The following ARID4B variants were observed in gnomAD, a reference collection of about 807,000 sequenced individuals.
The protein encoded by ARID4B is AT-rich interaction domain 4B.
ARID4B carries 26 observed loss-of-function variants against 147.5 expected under a neutral mutation model. That is an observed-to-expected ratio of 0.18 (90% CI 0.13 to 0.24). The LOEUF is 0.24. Ranked by LOEUF, ARID4B falls within the 10% of genes least tolerant of loss-of-function variation. The pLI is 1.00. For missense variants in ARID4B, 1,179 were observed against 1,511.5 expected (o/e 0.78, Z 3.65); for synonymous variants, 512 against 507.9 (o/e 1.01, Z -0.11).
intron 19 of ARID4B, 70 bp from the exon 20 acceptor site, chr1:235,182,863 A>G: frequency 6.8e-7 from 1 of 1,461,628 alleles, no homozygotes; most frequent in Non-Finnish European, 9.1e-7. Flanking sequence ...TGTGCCAGGG[A>G]CTGTATATAT....
intron 6 of ARID4B, among the ~76,000 whole-genome samples, chr1:235,248,362 C>G (rs1669433958): frequency 6.6e-6 from 1 of 152,058 alleles, no homozygotes; most frequent in Admixed American, 6.6e-5. Context: ...AAAATCTAGA[C>G]GTTGCCTGTC....
chr1:235,168,627 A>G lies in ARID4B; in HGVS notation c.3837T>C (p.Ser1279=), dbSNP rs943120571. The G allele has an allele frequency of 2.5e-6, 4 of 1,614,068 alleles. No homozygotes were observed. The highest frequency in any genetic ancestry group is 3.4e-6 in the Non-Finnish European group (4 of 1,179,954). ...CTGTTATGGAACTGGATGAAGGTGA[A>G]GAGGAGGATGAGGATGTAGCAGCAC... is the stretch of plus-strand genomic sequence containing the variant. ...RESAATSSSS[S]SPSSSSITAA... Residue 1279 remains serine, a synonymous_variant, in exon 24 of 24, where the codon TCT becomes TCC. Transcript: ENST00000264183.
intron 2 of ARID4B, among the ~76,000 whole-genome samples, chr1:235,290,200 T>TA (rs886335099): frequency 1.3e-5 from 2 of 151,864 alleles, no homozygotes; most frequent in Non-Finnish European, 2.9e-5. Flanking sequence ...ATTATAGAAA[T>TA]AAAAAATGCA....
chr1:235,242,712 T>TA (rs1450353532), intron 7 of ARID4B, among the ~76,000 whole-genome samples: 1 of 152,202 alleles, frequency 6.6e-6, no homozygotes, highest in Admixed American at 6.5e-5. Context: ...TAACAAGTGT[T>TA]AAGACTTCAG....
At position 235,177,907 on chromosome 1, in the gene ARID4B, G is replaced by C; in HGVS notation, c.3341C>G (p.Thr1114Arg). ...PEPEHPEKAC[T>R]GQKRVKDAQG... ...AGCATCTTTCACTCTTTTCTGACCT[G>C]TACAGGCTATGAAGGGAAAGGAATT... The change falls in exon 21 of 24, where the codon ACA becomes AGA. Residue 1114 changes from threonine to arginine, a missense_variant. Coordinates refer to ENST00000264183, the MANE Select transcript of ARID4B (RefSeq NM_016374.6). The C allele has an allele frequency of 6.3e-7, 1 of 1,578,924 alleles. No homozygotes were observed. Among genetic ancestry groups the C allele is most frequent in the Non-Finnish European group, 8.6e-7 (1 of 1,163,518 alleles).
chr1:235,318,438 C>T (rs1044416684), intron 2 of ARID4B, among the ~76,000 whole-genome samples: 20 of 152,038 alleles, frequency 1.3e-4, no homozygotes, highest in Admixed American at 1.3e-3. Flanking sequence ...TCCCAAAGTG[C>T]TGGGATTACA....
In ARID4B at chr1:235,231,172, T is replaced by C. The variant is rs576400659; in HGVS notation, c.683A>G (p.Lys228Arg). 1.3e-6 allele frequency: 2 copies of C among 1,586,544 alleles called. No homozygotes were observed. Among genetic ancestry groups the C allele is most frequent in the Non-Finnish European group, 1.7e-6 (2 of 1,167,630 alleles). ...GTCACTAGTAATTTCATGGACATCT[T>C]TTCTTGGAACTGAAGTACTATATAT... ...KDGKFTSVPR[K>R]DVHEITSDTA... Residue 228 changes from lysine to arginine, a missense_variant, in exon 10 of 24, where the codon AAA becomes AGA. Transcript: ENST00000264183.
intron 23 of ARID4B, among the ~76,000 whole-genome samples, chr1:235,169,397 C>T (rs531402637): frequency 1.7e-4 from 25 of 151,404 alleles, no homozygotes; most frequent in Non-Finnish European, 2.1e-4. Context: ...CCCGCCACCA[C>T]GCCCGGCTAA....
intron 2 of ARID4B, among the ~76,000 whole-genome samples, chr1:235,266,778 A>C (rs1228937216): frequency 6.7e-6 from 1 of 149,254 alleles, no homozygotes; most frequent in East Asian, 1.9e-4. Flanking sequence ...TAGAAAGACA[A>C]TAGTTAAATC....
At chr1:235,262,425 G>T (rs906306054) in intron 2 of ARID4B, among the ~76,000 whole-genome samples, 2 of 151,892 alleles carry the variant, frequency 1.3e-5, no homozygotes, top group African/African-American at 4.8e-5. Flanking sequence ...TACCATAATG[G>T]GAATATACCC....
At chr1:235,249,370 T>C (rs1669497233) in intron 6 of ARID4B, among the ~76,000 whole-genome samples, 1 of 152,136 alleles carries the variant, frequency 6.6e-6, no homozygotes, top group African/African-American at 2.4e-5. Context: ...AGATGATGAA[T>C]CTACTTTTGT....
intron 2 of ARID4B, among the ~76,000 whole-genome samples, chr1:235,285,752 A>G (rs550231777): frequency 9.8e-5 from 15 of 152,368 alleles, no homozygotes; most frequent in African/African-American, 3.4e-4. Flanking sequence ...AGATCACAGG[A>G]TACACAATAT....
At chr1:235,175,500 C>A in intron 21 of ARID4B, 101 bp from the exon 22 acceptor site, 1 of 923,872 alleles carries the variant, frequency 1.1e-6, no homozygotes, top group Non-Finnish European at 1.6e-6. Context: ...TTTAGTCCTA[C>A]AGAAAACAAC....
intron 2 of ARID4B, among the ~76,000 whole-genome samples, chr1:235,287,116 G>A (rs1255423438): frequency 5.9e-5 from 9 of 152,056 alleles, no homozygotes; most frequent in Admixed American, 2.6e-4. Flanking sequence ...AAAATTAGCC[G>A]GGCGTGGTGG....
At position 235,219,866 on chromosome 1, in the gene ARID4B, C is replaced by T. The variant is rs139156857; in HGVS notation, c.1510G>A (p.Asp504Asn). Reference sequence around the variant, plus strand: ...TCATCTACCCTAGTTGTGTCATCATCTTTGTCATCCAGATTTTCATTGTCT... The same window carrying T: ...TCATCTACCCTAGTTGTGTCATCATTTTTGTCATCCAGATTTTCATTGTCT... ...PEDNENLDDK[D>N]DDTTRVDESL... Residue 504 changes from aspartate (D) to asparagine (N), a missense_variant, in exon 16 of 24, where the codon GAT (aspartate) becomes AAT (asparagine). Asp to Asn is a conservative substitution (Grantham distance 23, BLOSUM62 1). Around this residue, in one of 10 missense-constraint regions of ARID4B, gnomAD observed 204 missense variants for 210.9 expected, o/e 0.97. Transcript: ENST00000264183. The T allele has an allele frequency of 3.0e-5, 49 of 1,609,944 alleles. No homozygotes were observed. The African/African-American group carries it at 5.6e-4, about 18-fold the overall frequency.
At chr1:235,297,556 G>A (rs939012998) in intron 2 of ARID4B, among the ~76,000 whole-genome samples, 27 of 152,230 alleles carry the variant, frequency 1.8e-4, no homozygotes, top group East Asian at 5.8e-4. Context: ...CAGATGCTGC[G>A]AAAACCTTTG....
chr1:235,255,879 G>T lies in ARID4B; in HGVS notation c.184-129C>A, dbSNP rs553021055. The T allele has an allele frequency of 6.5e-6, 4 of 611,042 alleles. No homozygotes were observed. In the East Asian group the frequency reaches 1.3e-4, roughly 19 times the overall value. 37.9% of individuals were successfully genotyped at this position (611,042 alleles called of 1,614,324 possible). On this transcript the variant is annotated intron_variant, in intron 4 of 23. Coordinates refer to ENST00000264183, the MANE Select transcript of ARID4B (RefSeq NM_016374.6). ...AAATGACTATTGACTTCATTTAAAAGTACCAGCAGTTGGCGTGAGCACAGT... is the reference window on the plus strand; with the variant it reads ...AAATGACTATTGACTTCATTTAAAATTACCAGCAGTTGGCGTGAGCACAGT...
At chr1:235,323,178 C>T (rs1674969237) in intron 2 of ARID4B, among the ~76,000 whole-genome samples, 1 of 151,712 alleles carries the variant, frequency 6.6e-6, no homozygotes, top group South Asian at 2.1e-4. Context: ...GCTGGGAATA[C>T]AGGCATGCGC....
chr1:235,326,394 A>T (rs74148481), intron 2 of ARID4B, among the ~76,000 whole-genome samples: 6,057 of 152,272 alleles, frequency 0.04, 450 homozygotes, highest in African/African-American at 0.14. Context: ...TATAACCCCA[A>T]GTCACTGGAA....
Sources: gnomAD v4.1 joint callset for allele counts (sites outside exome capture counted in the v4.1 genomes callset) on GRCh38, gnomAD v4.1.1 for gene constraint, gnomAD v4.1.1 regional missense constraint, MANE v1.5 for transcripts, NCBI Gene and HGNC (gene_info 2026-07-23, HGNC 2026-07-21) for gene names.